The following COL9A2 variants were observed in gnomAD, a reference collection of about 807,000 sequenced individuals.
COL9A2 encodes collagen alpha-2(IX) chain.
A neutral mutation model predicts 111.6 loss-of-function variants in COL9A2; 66 were observed. The observed-to-expected ratio is 0.59, with a 90% confidence interval of 0.48 to 0.73. The LOEUF is 0.73. COL9A2 is among the 30% of genes least tolerant of loss of function. The pLI, the probability that COL9A2 is intolerant of heterozygous loss-of-function variation, is 0.00. For missense variants in COL9A2, 881 were observed against 954.1 expected (o/e 0.92, Z 1.01); for synonymous variants, 353 against 364.1 (o/e 0.97, Z 0.35).
rs1644096896 is a variant in COL9A2 at position 40,310,088 on chromosome 1, TA to T, written c.792+22del. ...GCTGTAGGAGCTCCAGCCTCAGGGG[TA>T]GGGGAGCAAAAAGAGGCTTACCGGT... On this transcript the variant is annotated intron_variant, in intron 15 of 31. Coordinates refer to ENST00000372748, the MANE Select transcript of COL9A2 (RefSeq NM_001852.4). This position sits in a 1 kb window ranked among gnomAD's most constrained non-coding sequence, Gnocchi z 4.9. The T allele has an allele frequency of 6.2e-7, 1 of 1,613,552 alleles. No individual in the cohort carries two copies. Among genetic ancestry groups the T allele is most frequent in the African/African-American group, 1.3e-5 (1 of 74,852 alleles).
In COL9A2 at chr1:40,307,299, G is replaced by A. The variant is rs926325569; in HGVS notation, c.1008+147C>T. The A allele has an allele frequency of 1.3e-6, 1 of 774,398 alleles. No homozygotes were observed. The highest frequency in any genetic ancestry group is 2.2e-6 in the Non-Finnish European group (1 of 453,678). 48.0% of individuals were successfully genotyped at this position (774,398 alleles called of 1,614,324 possible). A position where few individuals can be genotyped will look rare whatever the true frequency, so the allele number is the denominator to read the frequency against. On this transcript the variant is annotated intron_variant, in intron 19 of 31. Coordinates refer to ENST00000372748, the MANE Select transcript of COL9A2 (RefSeq NM_001852.4). This position sits in a 1 kb window ranked among gnomAD's most constrained non-coding sequence, Gnocchi z 4.8. ...AGAGAAGGCTAGAGTAATTGTCCAAGTAATGAAGCCTTCGCCAGGCCAGGG... is the reference window on the plus strand; with the variant it reads ...AGAGAAGGCTAGAGTAATTGTCCAAATAATGAAGCCTTCGCCAGGCCAGGG...
chr1:40,303,730 CGA>C lies in COL9A2; in HGVS notation c.1402-56_1402-55del. On this transcript the variant is annotated intron_variant, in intron 27 of 31. Coordinates refer to ENST00000372748, the MANE Select transcript of COL9A2 (RefSeq NM_001852.4). The surrounding 1 kb of genome is among the most constrained non-coding windows in gnomAD (Gnocchi z 4.6). Reference sequence around the variant, plus strand: ...CCGGGTGAGAAGGCGCCCGGGTGGGCGAGAGTGGGGGGTGGGGGTCGAGGAAG... The same window carrying C: ...CCGGGTGAGAAGGCGCCCGGGTGGGCGAGTGGGGGGTGGGGGTCGAGGAAG... 1 of 1,425,550 alleles carries C rather than the reference CGA, an allele frequency of 7.0e-7. No individual in the cohort carries two copies. The highest frequency in any genetic ancestry group is 9.3e-7 in the Non-Finnish European group (1 of 1,079,822). The allele number at this position is 1,425,550 out of a possible 1,614,324, so 88.3% of individuals were successfully genotyped here.
Position 40,307,620 on chromosome 1 carries a change from G to A in COL9A2, c.954+83C>T. 1 of 1,587,530 alleles carries A rather than the reference G, an allele frequency of 6.3e-7. No homozygotes were observed. The highest frequency in any genetic ancestry group is 8.6e-7 in the Non-Finnish European group (1 of 1,159,786). The stretch of plus-strand genomic sequence containing the variant: ...GCAAGAAAGGGCATGTCCATGACCT[G>A]AGGACCCCAGGCTCTTGGTGTCTAG... On this transcript the variant is annotated intron_variant, in intron 18 of 31. Transcript: ENST00000372748. This position sits in a 1 kb window ranked among gnomAD's most constrained non-coding sequence, Gnocchi z 4.8.
rs773159349 is a variant in COL9A2, at chr1:40,301,280, C to A, written c.1972G>T (p.Val658Leu). ...GGTTCACAGAAGCCCGGCAGCCCCA[C>A]GGGGCCTGGCAGGCCAGGTCGACCT... ...EAGRPGLPGP[V>L]GLPGFCEPAA... Residue 658 changes from valine (V) to leucine (L), a missense_variant, in exon 32 of 32, where the codon GTG (valine) becomes TTG (leucine). Physicochemically the swap from Val to Leu is conservative, Grantham distance 32. Coordinates refer to ENST00000372748, the MANE Select transcript of COL9A2 (RefSeq NM_001852.4). 6.2e-7 allele frequency: 1 copy of A among 1,613,702 alleles called. No homozygotes were observed. Among genetic ancestry groups the A allele is most frequent in the East Asian group, 2.2e-5 (1 of 44,862 alleles).
At chr1:40,306,056 T>G (rs763302716) in intron 20 of COL9A2, 87 bp downstream of exon 20, 6 of 1,508,084 alleles carry the variant, frequency 4.0e-6, no homozygotes, top group African/African-American at 1.4e-5. Context: ...GCTGAGCCTC[T>G]GAGACTTGGC....
rs767904381 is a variant in COL9A2 at position 40,311,653 on chromosome 1, G to T, written c.471+9C>A. ...CACTTTGCCATGTCGGGGGTCTGGGGACACTTACAGGTTTCCCAGGGGGTC... is the reference window on the plus strand; with the variant it reads ...CACTTTGCCATGTCGGGGGTCTGGGTACACTTACAGGTTTCCCAGGGGGTC... On this transcript the variant is annotated intron_variant, in intron 9 of 31. Transcript: ENST00000372748. The surrounding 1 kb of genome is among the most constrained non-coding windows in gnomAD (Gnocchi z 5.1). 3.1e-6 allele frequency: 5 copies of T among 1,613,776 alleles called. No homozygotes were observed. Among genetic ancestry groups the T allele is most frequent in the Non-Finnish European group, 3.4e-6 (4 of 1,179,832 alleles).
At position 40,311,699 on chromosome 1, in the gene COL9A2, T is replaced by C; in HGVS notation, c.434A>G (p.Asp145Gly). ...IRGPKGDPGPDGPSGPPGPPG... is the reference protein window; with the variant it reads ...IRGPKGDPGPGGPSGPPGPPG... The stretch of plus-strand genomic sequence containing the variant: ...GGGTCCTGGGGGCCCCGATGGTCCA[T>C]CTGGTCCAGGGTCCCCCTGGAAGCA... Residue 145 changes from aspartate (D) to glycine (G), a missense_variant, in exon 9 of 32, where the codon GAT (aspartate) becomes GGT (glycine). Transcript: ENST00000372748. This position sits in a 1 kb window ranked among gnomAD's most constrained non-coding sequence, Gnocchi z 5.1. 1 of 1,613,864 alleles carries C rather than the reference T, an allele frequency of 6.2e-7. No individual in the cohort carries two copies. Among genetic ancestry groups the C allele is most frequent in the African/African-American group, 1.3e-5 (1 of 74,950 alleles).
In COL9A2 at chr1:40,302,855, G is replaced by T; in HGVS notation, c.1604-46C>A. ...AGGGAGAGGGAAGTCTATGAGATGG[G>T]TGTCAGCAGTAACACTAGGGGAGGC... On this transcript the variant is annotated intron_variant, in intron 29 of 31. Coordinates refer to ENST00000372748, the MANE Select transcript of COL9A2 (RefSeq NM_001852.4). The surrounding 1 kb of genome is among the most constrained non-coding windows in gnomAD (Gnocchi z 4.5). 6.6e-7 allele frequency: 1 copy of T among 1,520,980 alleles called. No homozygotes were observed. Among genetic ancestry groups the T allele is most frequent in the South Asian group, 1.2e-5 (1 of 83,570 alleles). 94.2% of individuals were successfully genotyped at this position (1,520,980 alleles called of 1,614,324 possible).
intron 24 of COL9A2, 62 bp downstream of exon 24, chr1:40,304,258 C>T: frequency 6.5e-7 from 1 of 1,540,780 alleles, no homozygotes. Context: ...CTGAGTCCTG[C>T]CGACCCCACT....
chr1:40,315,986 C>T, intron 1 of COL9A2: 1 of 299,242 alleles, frequency 3.3e-6, no homozygotes, highest in East Asian at 5.9e-5. Context: ...CCGACTCCTT[C>T]CACTGTGCCA....
chr1:40,317,100 A>G lies in COL9A2; in HGVS notation c.75+23T>C. ...CAGACCCCGCACCCTGGACCCTGGC[A>G]GCGGAGGGGCTGCGAAACTTACAAT... is the stretch of plus-strand genomic sequence containing the variant. On this transcript the variant is annotated intron_variant, in intron 1 of 31. Coordinates refer to ENST00000372748, the MANE Select transcript of COL9A2 (RefSeq NM_001852.4). The surrounding 1 kb of genome is among the most constrained non-coding windows in gnomAD (Gnocchi z 4.3). The G allele has an allele frequency of 6.4e-7, 1 of 1,555,580 alleles. No homozygotes were observed. The highest frequency in any genetic ancestry group is 1.4e-5 in the African/African-American group (1 of 73,230).
At chr1:40,306,336 T>C in intron 19 of COL9A2, 149 bp from the exon 20 acceptor site, 2 of 835,250 alleles carry the variant, frequency 2.4e-6, no homozygotes, top group South Asian at 1.4e-5. Context: ...AACTTAACTG[T>C]ACATTCCCAC....
intron 16 of COL9A2, among the ~76,000 whole-genome samples, chr1:40,309,448 A>G (rs1209959082): frequency 2.6e-5 from 4 of 151,786 alleles, no homozygotes; most frequent in Non-Finnish European, 5.9e-5. Flanking sequence ...AAAAAAAAAA[A>G]AGAGTTAAGA....
chr1:40,301,690 G>C, intron 31 of COL9A2, 122 bp downstream of exon 31: 1 of 949,466 alleles, frequency 1.1e-6, no homozygotes, highest in Non-Finnish European at 1.6e-6. Context: ...GGGTGCAGAA[G>C]CTGGGTATCA....
chr1:40,306,231 A>C (rs1340767317), intron 19 of COL9A2, 44 bp from the exon 20 acceptor site: 7 of 1,606,678 alleles, frequency 4.4e-6, no homozygotes, highest in Non-Finnish European at 5.1e-6. Context: ...GGCATGAGGG[A>C]GCCCCATGCA....
In COL9A2 at chr1:40,316,958, G is replaced by A. The variant is rs1223134936; in HGVS notation, c.75+165C>T. Among the ~76,000 whole-genome samples the A allele has an allele frequency of 4.6e-5, 7 of 152,104 alleles. No homozygotes were observed. Among genetic ancestry groups the A allele is most frequent in the Non-Finnish European group, 1.5e-5 (1 of 67,994 alleles). ...CACCTCCATTCACGGTGCCGCGATG[G>A]GCACCATGTATGCACCCACCGAGGG... On this transcript the variant is annotated intron_variant, in intron 1 of 31. Coordinates refer to ENST00000372748, the MANE Select transcript of COL9A2 (RefSeq NM_001852.4). The surrounding 1 kb of genome is among the most constrained non-coding windows in gnomAD (Gnocchi z 5.5).
intron 4 of COL9A2, among the ~76,000 whole-genome samples, chr1:40,313,608 C>T (rs566523370): frequency 7.9e-5 from 12 of 152,288 alleles, no homozygotes; most frequent in Non-Finnish European, 1.5e-4. Flanking sequence ...TGGTGACTGT[C>T]CCAGCCCTGG....
chr1:40,306,704 C>G (rs766813042), intron 19 of COL9A2, among the ~76,000 whole-genome samples: 29 of 152,120 alleles, frequency 1.9e-4, no homozygotes, highest in Non-Finnish European at 3.4e-4. Context: ...GGGGCCATTG[C>G]TGATATGGCA....
chr1:40,315,566 C>T, intron 2 of COL9A2, 24 bp downstream of exon 2: 5 of 1,550,420 alleles, frequency 3.2e-6, no homozygotes, highest in Non-Finnish European at 4.4e-6. Flanking sequence ...TCCCTCCCGC[C>T]CTGGTCTCAG....
Sources: gnomAD v4.1 joint callset for allele counts (sites outside exome capture counted in the v4.1 genomes callset) on GRCh38, gnomAD v4.1.1 for gene constraint, Gnocchi (gnomAD v3.1) non-coding constraint, MANE v1.5 for transcripts, NCBI Gene and HGNC (gene_info 2026-07-23, HGNC 2026-07-21) for gene names.